The following SELENOI variants were observed in gnomAD, a reference collection of about 807,000 sequenced individuals.
SELENOI encodes selenoprotein I, also known as ethanolaminephosphotransferase 1.
Under a neutral mutation model 50.7 loss-of-function variants are expected in SELENOI, and 24 were observed. That is an observed-to-expected ratio of 0.47 (90% CI 0.34 to 0.67). The LOEUF is 0.67. SELENOI is among the 30% of genes least tolerant of loss of function. SELENOI has a pLI of 0.01. For synonymous variants in SELENOI, 155 were observed against 170.2 expected, an observed-to-expected ratio of 0.91 and a Z score of 0.70; for missense variants, 352 against 461.4, an observed-to-expected ratio of 0.76 and a Z score of 2.17.
At chr2:26,347,693 A>G (rs2147940457) in intron 1 of SELENOI, among the ~76,000 whole-genome samples, 1 of 152,322 alleles carries the variant, frequency 6.6e-6, no homozygotes, top group South Asian at 2.1e-4. Flanking sequence ...GTAAATATTG[A>G]CATATAAAAC....
chr2:26,362,335 A>G (rs1243273746), intron 1 of SELENOI, among the ~76,000 whole-genome samples: 1 of 152,152 alleles, frequency 6.6e-6, no homozygotes, highest in African/African-American at 2.4e-5. Context: ...GTCTTGAAAC[A>G]CTGATGTATT....
intron 1 of SELENOI, among the ~76,000 whole-genome samples, chr2:26,361,824 G>C (rs1363983534): frequency 6.6e-6 from 1 of 151,872 alleles, no homozygotes; most frequent in East Asian, 1.9e-4. Flanking sequence ...CGACTAATTT[G>C]TTTTTGTATT....
intron 6 of SELENOI, among the ~76,000 whole-genome samples, chr2:26,375,424 G>T (rs1371434422): frequency 6.6e-6 from 1 of 152,124 alleles, no homozygotes; most frequent in East Asian, 1.9e-4. Flanking sequence ...ATTAACCTAG[G>T]CTGTATTGGA....
chr2:26,378,777 C>T (rs1677621833), intron 6 of SELENOI, among the ~76,000 whole-genome samples: 1 of 152,094 alleles, frequency 6.6e-6, no homozygotes, highest in African/African-American at 2.4e-5. Flanking sequence ...AAGAATTGTC[C>T]TCCCTTTTTA....
chr2:26,388,822 G>A (rs886132230), intron 9 of SELENOI, among the ~76,000 whole-genome samples, 183 bp from the exon 10 acceptor site: 1 of 152,142 alleles, frequency 6.6e-6, no homozygotes, highest in African/African-American at 2.4e-5. Flanking sequence ...TCCCATGTTA[G>A]TTCTAGTACT....
intron 1 of SELENOI, among the ~76,000 whole-genome samples, chr2:26,354,560 G>T (rs932323098): frequency 5.6e-4 from 79 of 141,898 alleles, no homozygotes; most frequent in Admixed American, 1.4e-3. Context: ...CTAATTTTTT[G>T]TTTTTTTTTT....
chr2:26,381,367 C>T (rs1677698047), intron 6 of SELENOI, among the ~76,000 whole-genome samples: 1 of 151,504 alleles, frequency 6.6e-6, no homozygotes. Context: ...CATAGAGCTT[C>T]ATAGATAAGT....
At chr2:26,363,438 T>C (rs1486168945) in intron 1 of SELENOI, among the ~76,000 whole-genome samples, 2 of 152,222 alleles carry the variant, frequency 1.3e-5, no homozygotes, top group East Asian at 3.8e-4. Flanking sequence ...AGTGTGTGAA[T>C]GCATGCAGTG....
intron 9 of SELENOI, among the ~76,000 whole-genome samples, chr2:26,387,439 C>G (rs1677866627): frequency 6.6e-6 from 1 of 152,012 alleles, no homozygotes; most frequent in Admixed American, 6.5e-5. Flanking sequence ...GCCTGTAATC[C>G]TAGCCCTTTG....
chr2:26,388,063 T>C (rs1009695764), intron 9 of SELENOI, among the ~76,000 whole-genome samples: 2 of 152,202 alleles, frequency 1.3e-5, no homozygotes, highest in Non-Finnish European at 2.9e-5. Flanking sequence ...CTAGATACAA[T>C]TGTTAAGGAG....
intron 1 of SELENOI, among the ~76,000 whole-genome samples, chr2:26,359,426 T>C (rs1677129412): frequency 6.6e-6 from 1 of 152,184 alleles, no homozygotes; most frequent in Non-Finnish European, 1.5e-5. Context: ...GCAGATCACC[T>C]GAGGTCAGGG....
At chr2:26,362,856 A>T (rs1677210977) in intron 1 of SELENOI, among the ~76,000 whole-genome samples, 1 of 152,162 alleles carries the variant, frequency 6.6e-6, no homozygotes, top group Admixed American at 6.5e-5. Context: ...AATACTGTGA[A>T]CCCTCAAGGA....
chr2:26,351,153 G>T (rs1380287718), intron 1 of SELENOI, among the ~76,000 whole-genome samples: 1 of 151,510 alleles, frequency 6.6e-6, no homozygotes, highest in Non-Finnish European at 1.5e-5. Flanking sequence ...CCACCTCCTG[G>T]GTTCAAGCAA....
At chr2:26,357,476 C>A (rs922140139) in intron 1 of SELENOI, among the ~76,000 whole-genome samples, 4 of 152,190 alleles carry the variant, frequency 2.6e-5, no homozygotes, top group Non-Finnish European at 5.9e-5. Flanking sequence ...CTTTAAACAA[C>A]AGAATTTTAA....
At position 26,393,227 on chromosome 2, in the gene SELENOI, T is replaced by C. The variant is rs554643384; in HGVS notation, c.*4124T>C. 6 of 152,838 alleles carry C rather than the reference T, an allele frequency of 3.9e-5. No homozygotes were observed. In the East Asian group the frequency reaches 7.7e-4, roughly 20 times the overall value. The allele number at this position is 152,838 out of a possible 1,614,324, so 9.5% of individuals were successfully genotyped here. A position where few individuals can be genotyped will look rare whatever the true frequency, so the allele number is the denominator to read the frequency against. On this transcript the variant is annotated 3_prime_UTR_variant, in exon 10 of 10. Coordinates refer to ENST00000260585, the MANE Select transcript of SELENOI (RefSeq NM_033505.4). ...AACTTTTCCAGAGAAAGTGGTGATA[T>C]GCTTCTTCCTTGCATGGAGCTGTGG...
intron 1 of SELENOI, among the ~76,000 whole-genome samples, chr2:26,363,417 G>C (rs1485222421): frequency 6.6e-6 from 1 of 152,178 alleles, no homozygotes; most frequent in Non-Finnish European, 1.5e-5. Context: ...AGGTTGAGAA[G>C]GTGTGTGGTT....
chr2:26,389,566 A>G lies in SELENOI; in HGVS notation c.*463A>G, dbSNP rs117041108. 5.1e-3 allele frequency: 795 copies of G among 154,582 alleles called. 28 individuals are homozygous for G. The South Asian group carries it at 0.079, about 15-fold the overall frequency. The allele number at this position is 154,582 out of a possible 1,614,324, so 9.6% of individuals were successfully genotyped here. On this transcript the variant is annotated 3_prime_UTR_variant, in exon 10 of 10. Coordinates refer to ENST00000260585, the MANE Select transcript of SELENOI (RefSeq NM_033505.4). ...GGATAAAAATAAGTCACCTTCACCA[A>G]GAGATGCCAATGATTACCAAACAAC... is the stretch of plus-strand genomic sequence containing the variant.
chr2:26,360,311 TA>T (rs1403849248), intron 1 of SELENOI, among the ~76,000 whole-genome samples: 12 of 152,228 alleles, frequency 7.9e-5, no homozygotes, highest in African/African-American at 2.9e-4. Context: ...CTGCCTTCTA[TA>T]ATCTATTAAT....
chr2:26,383,298 G>T lies in SELENOI; in HGVS notation c.683-1G>T. On this transcript the variant is annotated splice_acceptor_variant, in intron 6 of 9. Transcript: ENST00000260585. LOFTEE classifies it high-confidence loss of function. ...AATAATTGAATAATTATTCCCTTTA[G>T]GTTGTGCATTATGTGTGACTCTTCC... 2 of 1,533,598 alleles carry T rather than the reference G, an allele frequency of 1.3e-6. No individual in the cohort carries two copies. The highest frequency in any genetic ancestry group is 1.8e-6 in the Non-Finnish European group (2 of 1,129,314). 95.0% of individuals were successfully genotyped at this position (1,533,598 alleles called of 1,614,324 possible). A position where few individuals can be genotyped will look rare whatever the true frequency, so the allele number is the denominator to read the frequency against.
Sources: allele counts gnomAD v4.1 joint callset (sites outside exome capture counted in the v4.1 genomes callset), GRCh38; gene constraint gnomAD v4.1.1; transcripts MANE v1.5; gene names NCBI Gene and HGNC (gene_info 2026-07-23, HGNC 2026-07-21).